The following LRRN1 variants were observed in gnomAD, a reference collection of about 807,000 sequenced individuals.
LRRN1 encodes leucine-rich repeat neuronal protein 1.
LRRN1 carries 14 observed loss-of-function variants against 45.8 expected under a neutral mutation model. The ratio of observed to expected loss-of-function variants is 0.31; its 90% CI spans 0.20 to 0.48. The LOEUF is 0.48. Among genes scored for constraint, LRRN1 ranks in the 20% least tolerant of loss-of-function variants. The pLI, the probability that LRRN1 is intolerant of heterozygous loss-of-function variation, is 0.99. For synonymous variants in LRRN1, 359 were observed against 330.1 expected (o/e 1.09, Z -0.95); for missense variants, 789 against 874.2 (o/e 0.90, Z 1.23).
chr3:3,812,228 A>G lies in LRRN1; in HGVS notation c.-279+12309A>G, dbSNP rs13321784. ...GATGTGAGATAAAAGCAATAATCCA[A>G]TTATCACACAAGTAAATGTAAAATG... On this transcript the variant is annotated intron_variant, in intron 1 of 1. Coordinates refer to ENST00000319331, the MANE Select transcript of LRRN1 (RefSeq NM_020873.7). 8.3e-3 allele frequency among the ~76,000 whole-genome samples: 1,269 copies of G among 152,318 alleles called. 77 individuals are homozygous for G. In the East Asian group the frequency reaches 0.15, roughly 18 times the overall value.
At chr3:3,807,847 A>G (rs930417891) in intron 1 of LRRN1, among the ~76,000 whole-genome samples, 3 of 152,186 alleles carry the variant, frequency 2.0e-5, no homozygotes, top group Admixed American at 6.5e-5. Context: ...CTGTGCAGTG[A>G]GGACTACATG....
chr3:3,819,108 C>T (rs1693048981), intron 1 of LRRN1, among the ~76,000 whole-genome samples: 1 of 152,056 alleles, frequency 6.6e-6, no homozygotes, highest in African/African-American at 2.4e-5. Context: ...CTGCTTCAGC[C>T]TCCTAAGTAG....
At chr3:3,819,417 A>G (rs935626202) in intron 1 of LRRN1, among the ~76,000 whole-genome samples, 4 of 152,210 alleles carry the variant, frequency 2.6e-5, no homozygotes, top group African/African-American at 9.6e-5. Flanking sequence ...GAAGTCCAAG[A>G]TGAAAGCATC....
chr3:3,815,582 A>G (rs1053473082), intron 1 of LRRN1, among the ~76,000 whole-genome samples: 6 of 152,158 alleles, frequency 3.9e-5, no homozygotes, highest in Non-Finnish European at 7.4e-5. Flanking sequence ...AAAATAAACT[A>G]ACTACTTGCT....
At chr3:3,823,396 TAAA>T (rs547005197) in intron 1 of LRRN1, among the ~76,000 whole-genome samples, 4 of 145,862 alleles carry the variant, frequency 2.7e-5, no homozygotes, top group Admixed American at 2.7e-4. Context: ...GGATGTTGTT[TAAA>T]AAAAAAAAGA....
chr3:3,802,721 C>T (rs1264582105), intron 1 of LRRN1, among the ~76,000 whole-genome samples: 1 of 152,192 alleles, frequency 6.6e-6, no homozygotes, highest in African/African-American at 2.4e-5. Flanking sequence ...ACAAATCATT[C>T]TAATAAACTC....
At chr3:3,808,255 T>A (rs1427027809) in intron 1 of LRRN1, among the ~76,000 whole-genome samples, 1 of 152,186 alleles carries the variant, frequency 6.6e-6, no homozygotes, top group Admixed American at 6.5e-5. Flanking sequence ...AGCAGTAGAA[T>A]AATGATACTC....
At chr3:3,834,622 G>T (rs948759504) in intron 1 of LRRN1, among the ~76,000 whole-genome samples, 25 of 138,424 alleles carry the variant, frequency 1.8e-4, no homozygotes, top group Middle Eastern at 3.8e-3. Context: ...ATATGTAAAG[G>T]AGAGTTTATT....
chr3:3,845,400 A>T lies in LRRN1; in HGVS notation c.759A>T (p.Lys253Asn), dbSNP rs1282441551. The change falls in exon 2 of 2, where the codon AAA becomes AAT. Residue 253 changes from lysine (K) to asparagine (N), a missense_variant. By Grantham distance (94) the Lys-to-Asn change is moderately conservative (BLOSUM62 0). Coordinates refer to ENST00000319331, the MANE Select transcript of LRRN1 (RefSeq NM_020873.7). This position sits in a 1 kb window ranked among gnomAD's most constrained non-coding sequence, Gnocchi z 6.5. ...SLSFYDNKLV[K>N]VPQLALQKVP... ...CTTTTTATGATAACAAACTGGTTAA[A>T]GTCCCTCAACTTGCCCTGCAAAAAG... 28 of 1,614,054 alleles carry T rather than the reference A, an allele frequency of 1.7e-5. No individual in the cohort carries two copies. In the Admixed American group the frequency reaches 4.5e-4, roughly 26 times the overall value.
chr3:3,825,349 ACTGCAC>A (rs1693195037), intron 1 of LRRN1, among the ~76,000 whole-genome samples: 1 of 152,128 alleles, frequency 6.6e-6, no homozygotes, highest in Non-Finnish European at 1.5e-5. Context: ...GTTGGATGAG[ACTGCAC>A]CTGCAGTGTG....
chr3:3,822,402 C>T (rs546573086), intron 1 of LRRN1, among the ~76,000 whole-genome samples: 2 of 152,310 alleles, frequency 1.3e-5, no homozygotes. Context: ...CTTTCTTGAG[C>T]TAGCAGTTTA....
chr3:3,815,282 G>GTGA (rs1692965140), intron 1 of LRRN1, among the ~76,000 whole-genome samples: 2 of 152,120 alleles, frequency 1.3e-5, no homozygotes, highest in Non-Finnish European at 2.9e-5. Flanking sequence ...AGCTACCAGT[G>GTGA]TGATGTCTCT....
intron 1 of LRRN1, among the ~76,000 whole-genome samples, chr3:3,823,381 C>T (rs1693145401): frequency 6.6e-6 from 1 of 151,184 alleles, no homozygotes; most frequent in Non-Finnish European, 1.5e-5. Flanking sequence ...GTACCTAGCT[C>T]CTGGGGATGT....
At chr3:3,808,828 G>A (rs1692819247) in intron 1 of LRRN1, among the ~76,000 whole-genome samples, 1 of 151,876 alleles carries the variant, frequency 6.6e-6, no homozygotes, top group Non-Finnish European at 1.5e-5. Flanking sequence ...TTGAAATCTA[G>A]TTTGGTATTT....
At chr3:3,815,893 G>C (rs1674376611) in intron 1 of LRRN1, among the ~76,000 whole-genome samples, 2 of 74,640 alleles carry the variant, frequency 2.7e-5, no homozygotes, top group South Asian at 6.4e-4. Flanking sequence ...ATTTTATTAA[G>C]AAATAACCCT....
chr3:3,801,287 GTGGAATTCTAAT>G (rs1009709176), intron 1 of LRRN1: 6 of 152,268 alleles, frequency 3.9e-5, no homozygotes, highest in Non-Finnish European at 8.8e-5. Flanking sequence ...TAAAGGAAAA[GTGGAATTCTAAT>G]TGGGTGAGGG....
Position 3,840,256 on chromosome 3 carries a change from T to C in LRRN1, c.-278-4108T>C, listed in dbSNP as rs1227406336. Among the ~76,000 whole-genome samples, 3 of 152,226 alleles carry C rather than the reference T, an allele frequency of 2.0e-5. No homozygotes were observed. In the East Asian group the frequency reaches 5.8e-4, roughly 29 times the overall value. Reference sequence around the variant, plus strand: ...ATCATGTGTTTTTACTTCTTCATTCTGTTAATGTGGCATATTATACTGATA... The same window carrying C: ...ATCATGTGTTTTTACTTCTTCATTCCGTTAATGTGGCATATTATACTGATA... On this transcript the variant is annotated intron_variant, in intron 1 of 1. Transcript: ENST00000319331.
rs1461684937 is a variant in LRRN1 at position 3,846,734 on chromosome 3, G to T, written c.2093G>T (p.Gly698Val). 6.2e-7 allele frequency: 1 copy of T among 1,613,718 alleles called. No individual in the cohort carries two copies. Among genetic ancestry groups the T allele is most frequent in the Non-Finnish European group, 8.5e-7 (1 of 1,179,970 alleles). ...GGTGACAGCGAGAAAGACAAAGATGGTTCTGCAGACACCAAGCCAACCCAG... is the reference window on the plus strand; with the variant it reads ...GGTGACAGCGAGAAAGACAAAGATGTTTCTGCAGACACCAAGCCAACCCAG... ...WEGDSEKDKDGSADTKPTQVD... is the reference protein window; with the variant it reads ...WEGDSEKDKDVSADTKPTQVD... The change falls in exon 2 of 2, where the codon GGT becomes GTT. Residue 698 changes from glycine (G) to valine (V), a missense_variant. By Grantham distance (109) the Gly-to-Val change is moderately radical (BLOSUM62 -3). Coordinates refer to ENST00000319331, the MANE Select transcript of LRRN1 (RefSeq NM_020873.7). The surrounding 1 kb of genome is among the most constrained non-coding windows in gnomAD (Gnocchi z 5.7).
intron 1 of LRRN1, among the ~76,000 whole-genome samples, chr3:3,818,082 A>G (rs772717396): frequency 6.6e-6 from 1 of 152,228 alleles, no homozygotes; most frequent in African/African-American, 2.4e-5. Flanking sequence ...CATTGTAGCA[A>G]CCAGTTCCTT....
Sources: gnomAD v4.1 joint callset for allele counts (sites outside exome capture counted in the v4.1 genomes callset) on GRCh38, gnomAD v4.1.1 for gene constraint, Gnocchi (gnomAD v3.1) non-coding constraint, MANE v1.5 for transcripts, NCBI Gene and HGNC (gene_info 2026-07-23, HGNC 2026-07-21) for gene names.